OTUD7B: variants seen among roughly 807,000 people sequenced by gnomAD.
OTUD7B encodes OTU deubiquitinase 7B.
OTUD7B carries 34 observed loss-of-function variants against 82.2 expected under a neutral mutation model. That is an observed-to-expected ratio of 0.41 (90% CI 0.31 to 0.55). The LOEUF is 0.55. Ranked by LOEUF, OTUD7B falls within the 20% of genes least tolerant of loss-of-function variation. The pLI, the probability that OTUD7B is intolerant of heterozygous loss-of-function variation, is 0.20. For synonymous variants in OTUD7B, 398 were observed against 402.7 expected (o/e 0.99, Z 0.14); for missense variants, 944 against 1,062.1 (o/e 0.89, Z 1.55).
the OTUD7B span, among the ~76,000 whole-genome samples, chr1:150,047,473 T>C: frequency 6.6e-6 from 1 of 152,196 alleles, no homozygotes; most frequent in African/African-American, 2.4e-5. Context: ...CCTCACTAGA[T>C]TGTAAGAGAG....
At chr1:149,993,136 G>A (rs1347478652) in intron 1 of OTUD7B, among the ~76,000 whole-genome samples, 1 of 152,108 alleles carries the variant, frequency 6.6e-6, no homozygotes, top group East Asian at 1.9e-4. Context: ...GGGCAACAGA[G>A]ACTGTCTCAA....
the OTUD7B span, among the ~76,000 whole-genome samples, chr1:150,065,969 A>G: frequency 6.6e-6 from 1 of 152,012 alleles, no homozygotes; most frequent in South Asian, 2.1e-4. Context: ...TCGTCCCTCA[A>G]AAAGTTATGT....
chr1:149,944,155 C>T lies in OTUD7B; in HGVS notation c.2234G>A (p.Ser745Asn). ...PPGRPYPHQD[S>N]IPSLEPGSHS... ...GCTGCCTGGCTCCAGAGAAGGGATG[C>T]TGTCCTGGTGGGGGTAGGGTCGCCC... is the stretch of plus-strand genomic sequence containing the variant. Residue 745 changes from serine to asparagine, a missense_variant, in exon 12 of 12, where the codon AGC (serine) becomes AAC (asparagine). Physicochemically the swap from Ser to Asn is conservative, Grantham distance 46 (BLOSUM62 1). Transcript: ENST00000581312. 5 of 1,614,020 alleles carry T rather than the reference C, an allele frequency of 3.1e-6. No individual in the cohort carries two copies. The highest frequency in any genetic ancestry group is 4.2e-6 in the Non-Finnish European group (5 of 1,179,940).
intron 1 of OTUD7B, among the ~76,000 whole-genome samples, chr1:150,001,625 T>C (rs1652292004): frequency 6.6e-6 from 1 of 152,200 alleles, no homozygotes; most frequent in African/African-American, 2.4e-5. Flanking sequence ...GTACTCACTG[T>C]GAGTAGCTAT....
the OTUD7B span, among the ~76,000 whole-genome samples, chr1:150,042,055 T>C: frequency 6.6e-6 from 1 of 151,860 alleles, no homozygotes; most frequent in Non-Finnish European, 1.5e-5. Context: ...ATTTATTTTT[T>C]TGAGACAGAG....
chr1:149,982,816 TCTC>T (rs1273522557), intron 1 of OTUD7B, among the ~76,000 whole-genome samples: 1 of 146,860 alleles, frequency 6.8e-6, no homozygotes. Flanking sequence ...CACAACCTCA[TCTC>T]CTTCCAGCTT....
chr1:149,969,852 C>G (rs188870082), intron 3 of OTUD7B, among the ~76,000 whole-genome samples: 1 of 152,146 alleles, frequency 6.6e-6, no homozygotes, highest in African/African-American at 2.4e-5. Context: ...CAGGTGTGCA[C>G]CACCATGCCC....
At position 149,942,049 on chromosome 1, in the gene OTUD7B, C is replaced by T. The variant is rs1436545303; in HGVS notation, c.*1808G>A. On this transcript the variant is annotated 3_prime_UTR_variant, in exon 12 of 12. Coordinates refer to ENST00000581312, the MANE Select transcript of OTUD7B (RefSeq NM_020205.4). Reference sequence around the variant, plus strand: ...GAAAATAACCTTTATAAACCGTGAGCATTTCCAACAAGGACAATCTTGACT... The same window carrying T: ...GAAAATAACCTTTATAAACCGTGAGTATTTCCAACAAGGACAATCTTGACT... 6.6e-6 allele frequency: 1 copy of T among 152,460 alleles called. No individual in the cohort carries two copies. The highest frequency in any genetic ancestry group is 1.9e-4 in the East Asian group (1 of 5,198). 9.4% of individuals were successfully genotyped at this position (152,460 alleles called of 1,614,324 possible).
intron 11 of OTUD7B, among the ~76,000 whole-genome samples, chr1:149,945,788 C>T (rs781816729): frequency 1.1e-4 from 16 of 152,128 alleles, no homozygotes; most frequent in Non-Finnish European, 1.9e-4. Flanking sequence ...AAGCCAGGCA[C>T]GGTGGCTCAT....
chr1:150,009,549 C>T (rs1553786854), intron 1 of OTUD7B, among the ~76,000 whole-genome samples: 1 of 152,206 alleles, frequency 6.6e-6, no homozygotes, highest in African/African-American at 2.4e-5. Flanking sequence ...GCTTTGCATT[C>T]GTGAAAAGCT....
At chr1:150,041,754 TG>T in the OTUD7B span, among the ~76,000 whole-genome samples, 1 of 152,204 alleles carries the variant, frequency 6.6e-6, no homozygotes, top group African/African-American at 2.4e-5. Context: ...TAATTGAGTG[TG>T]CCTTTTATTG....
intron 1 of OTUD7B, among the ~76,000 whole-genome samples, chr1:150,003,122 C>T (rs1288396000): frequency 3.3e-5 from 5 of 151,864 alleles, no homozygotes; most frequent in African/African-American, 9.7e-5. Flanking sequence ...TGGTGGCGGG[C>T]GCCTGTAGTC....
the OTUD7B span, among the ~76,000 whole-genome samples, chr1:150,037,470 AAATTTCAAG>A: frequency 5.3e-5 from 8 of 152,228 alleles, no homozygotes; most frequent in Admixed American, 2.6e-4. Flanking sequence ...TACCTTATAT[AAATTTCAAG>A]CCTCTTCATA....
At chr1:150,002,218 T>TA (rs1391109444) in intron 1 of OTUD7B, among the ~76,000 whole-genome samples, 1 of 151,848 alleles carries the variant, frequency 6.6e-6, no homozygotes, top group African/African-American at 2.4e-5. Context: ...CTTTTTTTTT[T>TA]AGATAAATAT....
At chr1:150,033,361 T>C in the OTUD7B span, among the ~76,000 whole-genome samples, 1 of 152,154 alleles carries the variant, frequency 6.6e-6, no homozygotes, top group Non-Finnish European at 1.5e-5. Flanking sequence ...GGACAAAATA[T>C]TCTTCCCTCC....
chr1:150,029,620 A>C, the OTUD7B span, among the ~76,000 whole-genome samples: 1 of 152,226 alleles, frequency 6.6e-6, no homozygotes, highest in Non-Finnish European at 1.5e-5. Flanking sequence ...TGTCTCCAGT[A>C]GAGGTTGTTC....
intron 11 of OTUD7B, among the ~76,000 whole-genome samples, chr1:149,946,741 G>GAAAAAA (rs1553772237): frequency 1.3e-5 from 1 of 79,530 alleles, no homozygotes; most frequent in Non-Finnish European, 2.2e-5. Context: ...GACTTCCTCT[G>GAAAAAA]AAAAAAAAAA....
the OTUD7B span, among the ~76,000 whole-genome samples, chr1:150,055,599 C>A: frequency 1.3e-5 from 2 of 152,160 alleles, no homozygotes; most frequent in Non-Finnish European, 2.9e-5. Context: ...ATGTTCATTG[C>A]AGCACTGCGC....
At chr1:150,027,335 C>A in the OTUD7B span, among the ~76,000 whole-genome samples, 1 of 152,132 alleles carries the variant, frequency 6.6e-6, no homozygotes, top group Non-Finnish European at 1.5e-5. Flanking sequence ...CCTGTAATCC[C>A]AGCACTTTGG....
Sources: gnomAD v4.1 joint callset for allele counts (sites outside exome capture counted in the v4.1 genomes callset) on GRCh38, gnomAD v4.1.1 for gene constraint, MANE v1.5 for transcripts, NCBI Gene and HGNC (gene_info 2026-07-23, HGNC 2026-07-21) for gene names.